The following PCDH15 variants were observed in gnomAD, a reference collection of about 807,000 sequenced individuals.
PCDH15 encodes protocadherin-15.
A neutral mutation model predicts 178.5 loss-of-function variants in PCDH15; 129 were observed. The ratio of observed to expected loss-of-function variants is 0.72; its 90% CI spans 0.63 to 0.84. PCDH15 has a LOEUF of 0.84. Ranked by LOEUF, PCDH15 falls within the 40% of genes least tolerant of loss-of-function variation. PCDH15 has a pLI of 0.00. For synonymous variants in PCDH15, 800 were observed against 732.0 expected (o/e 1.09, Z -1.50); for missense variants, 2,230 against 2,099.9 (o/e 1.06, Z -1.21).
chr10:54,440,298 C>A (rs1226148490), intron 3 of PCDH15, among the ~76,000 whole-genome samples: 1 of 151,900 alleles, frequency 6.6e-6, no homozygotes, highest in African/African-American at 2.4e-5. Flanking sequence ...GGCTTTTGGG[C>A]AGAAGGTAAA....
At chr10:55,354,061 C>T (rs1845010903) in intron 2 of PCDH15, among the ~76,000 whole-genome samples, 2 of 151,976 alleles carry the variant, frequency 1.3e-5, no homozygotes, top group African/African-American at 4.8e-5. Context: ...CTTATGCCCT[C>T]GTCTGATTTT....
At chr10:54,447,097 G>A (rs770221395) in intron 3 of PCDH15, among the ~76,000 whole-genome samples, 8 of 151,456 alleles carry the variant, frequency 5.3e-5, no homozygotes, top group Admixed American at 1.3e-4. Context: ...CCCCGTTCTC[G>A]CTTTGGCCAA....
At chr10:53,896,050 C>T (rs2081927226) in intron 26 of PCDH15, among the ~76,000 whole-genome samples, 1 of 152,074 alleles carries the variant, frequency 6.6e-6, no homozygotes, top group South Asian at 2.1e-4. Flanking sequence ...GAAATAATTG[C>T]ATCTACTGCA....
chr10:54,633,161 A>G, intron 2 of PCDH15, among the ~76,000 whole-genome samples: 1 of 152,198 alleles, frequency 6.6e-6, no homozygotes, highest in South Asian at 2.1e-4. Context: ...AAGGAGTTAA[A>G]TGATTTTATT....
intron 3 of PCDH15, among the ~76,000 whole-genome samples, chr10:54,469,973 G>A (rs993474595): frequency 1.3e-5 from 2 of 152,140 alleles, no homozygotes; most frequent in Non-Finnish European, 2.9e-5. Flanking sequence ...TGCTAATAGT[G>A]TAGGTGGGGC....
chr10:54,416,289 C>G (rs1040506110), intron 3 of PCDH15, among the ~76,000 whole-genome samples: 1 of 152,032 alleles, frequency 6.6e-6, no homozygotes, highest in African/African-American at 2.4e-5. Flanking sequence ...CCCCACCCCC[C>G]AAAAGGCCCT....
intron 2 of PCDH15, among the ~76,000 whole-genome samples, chr10:54,927,410 G>T (rs1345925126): frequency 6.6e-6 from 1 of 152,010 alleles, no homozygotes; most frequent in Non-Finnish European, 1.5e-5. Flanking sequence ...TGTATATTTT[G>T]TTGCTTTTGG....
intron 2 of PCDH15, among the ~76,000 whole-genome samples, chr10:55,044,861 C>T (rs189083533): frequency 7.9e-5 from 12 of 152,140 alleles, no homozygotes; most frequent in Non-Finnish European, 2.9e-5. Flanking sequence ...CAATCCCCAC[C>T]CTCAATGGAC....
intron 2 of PCDH15, among the ~76,000 whole-genome samples, chr10:54,558,660 T>G (rs1210802604): frequency 6.6e-6 from 1 of 152,112 alleles, no homozygotes; most frequent in Admixed American, 6.6e-5. Context: ...ATTATCATTC[T>G]TGGACTAAAC....
intron 2 of PCDH15, among the ~76,000 whole-genome samples, chr10:55,418,011 G>A (rs1054785202): frequency 1.3e-5 from 2 of 151,584 alleles, no homozygotes; most frequent in African/African-American, 2.4e-5. Flanking sequence ...AGCAAAAAAT[G>A]TCCAGTAGGA....
At chr10:54,856,091 T>G (rs1953737014) in intron 3 of PCDH15, among the ~76,000 whole-genome samples, 1 of 152,222 alleles carries the variant, frequency 6.6e-6, no homozygotes, top group African/African-American at 2.4e-5. Context: ...ATGATTGTAT[T>G]TAAATAGTAT....
intron 3 of PCDH15, among the ~76,000 whole-genome samples, chr10:54,396,653 A>G (rs538518086): frequency 6.6e-6 from 1 of 152,282 alleles, no homozygotes; most frequent in South Asian, 2.1e-4. Flanking sequence ...TTGACATGAT[A>G]TATGAAGGAA....
intron 8 of PCDH15, among the ~76,000 whole-genome samples, chr10:54,249,425 A>G (rs1452422843): frequency 3.9e-5 from 6 of 152,184 alleles, no homozygotes; most frequent in African/African-American, 1.2e-4. Context: ...AGCATAAAGT[A>G]TAATTTTAAA....
intron 26 of PCDH15, among the ~76,000 whole-genome samples, chr10:53,885,407 A>C (rs529756202): frequency 6.6e-6 from 1 of 152,200 alleles, no homozygotes. Context: ...TTTAAAAAAA[A>C]GAAATATTAT....
At chr10:53,817,245 C>T (rs2076092463) in intron 34 of PCDH15, among the ~76,000 whole-genome samples, 1 of 152,134 alleles carries the variant, frequency 6.6e-6, no homozygotes, top group African/African-American at 2.4e-5. Flanking sequence ...AAGCTGTATG[C>T]TAAATCAAAC....
intron 6 of PCDH15, among the ~76,000 whole-genome samples, chr10:54,331,654 T>C (rs1939600348): frequency 6.6e-6 from 1 of 151,986 alleles, no homozygotes; most frequent in Admixed American, 6.6e-5. Context: ...TAATGTGTTG[T>C]TATGAGGTTA....
intron 9 of PCDH15, among the ~76,000 whole-genome samples, chr10:54,219,117 A>G (rs916536347): frequency 6.9e-6 from 1 of 144,684 alleles, no homozygotes; most frequent in Non-Finnish European, 1.5e-5. Flanking sequence ...ACAAAAAAAA[A>G]ACAAAAAATT....
At chr10:54,787,075 A>G (rs1475021770) in intron 1 of PCDH15, among the ~76,000 whole-genome samples, 1 of 151,858 alleles carries the variant, frequency 6.6e-6, no homozygotes. Context: ...ATCTTTAGAT[A>G]GAATGCCAAT....
intron 1 of PCDH15, among the ~76,000 whole-genome samples, chr10:55,263,777 T>A (rs1006586829): frequency 6.6e-6 from 1 of 152,288 alleles, no homozygotes; most frequent in African/African-American, 2.4e-5. Context: ...CTCTGTCGTC[T>A]GGGCTGGAGT....
Sources: allele counts gnomAD v4.1 joint callset (sites outside exome capture counted in the v4.1 genomes callset), GRCh38; gene constraint gnomAD v4.1.1; transcripts MANE v1.5; gene names NCBI Gene and HGNC (gene_info 2026-07-23, HGNC 2026-07-21).